The following PNN variants were observed in gnomAD, a reference collection of about 807,000 sequenced individuals.
The protein encoded by PNN is pinin.
A neutral mutation model predicts 76.6 loss-of-function variants in PNN; 38 were observed. That is an observed-to-expected ratio of 0.50 (90% CI 0.38 to 0.65). PNN has a LOEUF of 0.65. Among genes scored for constraint, PNN ranks in the 30% least tolerant of loss-of-function variants. The pLI, the probability that PNN is intolerant of heterozygous loss-of-function variation, is 0.00. For missense variants in PNN, 873 were observed against 874.1 expected (o/e 1.00, Z 0.02); for synonymous variants, 366 against 283.7 (o/e 1.29, Z -2.91).
chr14:39,177,923 A>T lies in PNN; in HGVS notation c.498+7A>T. On this transcript the variant is annotated splice_region_variant and intron_variant, in intron 6 of 8. Coordinates refer to ENST00000216832, the MANE Select transcript of PNN (RefSeq NM_002687.4). ...CACTGTTGCTACTGAAAGGGTATTT[A>T]TCCAAGTTTTGTTTTGCATCATATA... The T allele has an allele frequency of 6.4e-7, 1 of 1,572,152 alleles. No homozygotes were observed. Among genetic ancestry groups the T allele is most frequent in the Non-Finnish European group, 8.7e-7 (1 of 1,143,950 alleles).
In PNN at chr14:39,179,101, G is replaced by A. The variant is rs1354588068; in HGVS notation, c.509G>A (p.Arg170His). Reference sequence around the variant, plus strand: ...CTACTTAACTTTTAGCAAAAGCGGCGCCAGGAAATTGAACAAAAACTTGAA... The same window carrying A: ...CTACTTAACTTTTAGCAAAAGCGGCACCAGGAAATTGAACAAAAACTTGAA... The part of the protein sequence containing the change: ...STVATERQKR[R>H]QEIEQKLEVQ... The change falls in exon 7 of 9, where the codon CGC becomes CAC. Residue 170 changes from arginine (R) to histidine (H), a missense_variant. Coordinates refer to ENST00000216832, the MANE Select transcript of PNN (RefSeq NM_002687.4). 1.2e-6 allele frequency: 2 copies of A among 1,609,762 alleles called. No homozygotes were observed. Among genetic ancestry groups the A allele is most frequent in the Non-Finnish European group, 1.7e-6 (2 of 1,179,094 alleles).
chr14:39,179,480 T>G lies in PNN; in HGVS notation c.793+18T>G. On this transcript the variant is annotated intron_variant, in intron 8 of 8. Transcript: ENST00000216832. ...AATGAACGGTAAGTATGCGAAGAGG[T>G]CCATTGAATTGTTCATAGTGGGTAA... is the stretch of plus-strand genomic sequence containing the variant. 2 of 1,603,238 alleles carry G rather than the reference T, an allele frequency of 1.2e-6. No individual in the cohort carries two copies. Among genetic ancestry groups the G allele is most frequent in the Non-Finnish European group, 1.7e-6 (2 of 1,174,844 alleles).
intron 6 of PNN, among the ~76,000 whole-genome samples, chr14:39,178,733 A>AG (rs1219319773): frequency 1.3e-5 from 2 of 150,582 alleles, no homozygotes; most frequent in Non-Finnish European, 2.9e-5. Context: ...TGAAAAAAAA[A>AG]AAAAAAAAAA....
rs897980804 is a variant in PNN, at chr14:39,177,906, C to A, written c.488C>A (p.Ala163Asp). ...AAATTTAAACAAGAATCCACTGTTG[C>A]TACTGAAAGGGTATTTATCCAAGTT... Reference protein sequence around the residue: ...LQKFKQESTVATERQKRRQEI... With the variant: ...LQKFKQESTVDTERQKRRQEI... The change falls in exon 6 of 9, where the codon GCT becomes GAT. Residue 163 changes from alanine to aspartate, a missense_variant. Transcript: ENST00000216832. The A allele has an allele frequency of 1.3e-6, 2 of 1,597,424 alleles. No homozygotes were observed. The highest frequency in any genetic ancestry group is 8.6e-7 in the Non-Finnish European group (1 of 1,165,260).
In PNN at chr14:39,182,322, A is replaced by G. The variant is rs917374325; in HGVS notation, c.*459A>G. The G allele has an allele frequency of 6.5e-6, 1 of 154,328 alleles. No individual in the cohort carries two copies. The highest frequency in any genetic ancestry group is 6.4e-5 in the Admixed American group (1 of 15,580). 9.6% of individuals were successfully genotyped at this position (154,328 alleles called of 1,614,324 possible). A position where few individuals can be genotyped will look rare whatever the true frequency, so the allele number is the denominator to read the frequency against. The stretch of plus-strand genomic sequence containing the variant: ...TATCATTTTCAGCTTTTAACACTAG[A>G]TACTGCACGTGATTAGAATGTTTTT... On this transcript the variant is annotated 3_prime_UTR_variant, in exon 9 of 9. Transcript: ENST00000216832.
At chr14:39,175,914 G>A (rs1327108908) in intron 1 of PNN, 164 bp from the exon 2 acceptor site, 1 of 586,558 alleles carries the variant, frequency 1.7e-6, no homozygotes, top group Non-Finnish European at 3.0e-6. Flanking sequence ...GAAGTTAAAT[G>A]AAATAGTACT....
At position 39,181,746 on chromosome 14, in the gene PNN, G is replaced by A. The variant is rs1566559829; in HGVS notation, c.2037G>A (p.Lys679=). 6.2e-7 allele frequency: 1 copy of A among 1,614,124 alleles called. No homozygotes were observed. Among genetic ancestry groups the A allele is most frequent in the Non-Finnish European group, 8.5e-7 (1 of 1,180,008 alleles). The change falls in exon 9 of 9, where the codon AAG becomes AAA. Residue 679 remains lysine, a synonymous_variant. Coordinates refer to ENST00000216832, the MANE Select transcript of PNN (RefSeq NM_002687.4). ...GGSSRDTKGS[K]DKNSRSDRKR... ...GTAGTAGAGATACAAAAGGATCAAA[G>A]GATAAGAATTCCCGGTCCGACAGAA... is the stretch of plus-strand genomic sequence containing the variant.
Position 39,177,606 on chromosome 14 carries a change from C to A in PNN, c.341C>A (p.Ser114Tyr). 6.2e-7 allele frequency: 1 copy of A among 1,613,602 alleles called. No individual in the cohort carries two copies. The highest frequency in any genetic ancestry group is 1.1e-5 in the South Asian group (1 of 91,066). The change falls in exon 5 of 9, where the codon TCT (serine) becomes TAT (tyrosine). Residue 114 changes from serine to tyrosine, a missense_variant. Around this residue, in one of 3 missense-constraint regions of PNN, gnomAD observed 156 missense variants for 161.7 expected, o/e 0.96. Transcript: ENST00000216832. ...DDDVKKPALQ[S>Y]SVVATSKERT... Reference sequence around the variant, plus strand: ...CTTTTTCTGCAGCCAGCATTGCAGTCTTCAGTTGTAGCTACCTCCAAAGAG... The same window carrying A: ...CTTTTTCTGCAGCCAGCATTGCAGTATTCAGTTGTAGCTACCTCCAAAGAG...
rs2053273741 is a variant in PNN, at chr14:39,181,935, T to G, written c.*72T>G. The G allele has an allele frequency of 7.0e-7, 1 of 1,436,342 alleles. No individual in the cohort carries two copies. Among genetic ancestry groups the G allele is most frequent in the African/African-American group, 1.4e-5 (1 of 70,408 alleles). 89.0% of individuals were successfully genotyped at this position (1,436,342 alleles called of 1,614,324 possible). On this transcript the variant is annotated 3_prime_UTR_variant, in exon 9 of 9. Transcript: ENST00000216832. ...CTTGATAAAAAAGGATTACCTTTCC[T>G]TGTAAAGAGGATGCTGCCTTAAGAA... is the stretch of plus-strand genomic sequence containing the variant.
At chr14:39,180,471 A>C in intron 8 of PNN, 32 bp from the exon 9 acceptor site, 1 of 1,503,168 alleles carries the variant, frequency 6.7e-7, no homozygotes, top group East Asian at 2.3e-5. Flanking sequence ...CTTAATCGGT[A>C]AATTTTACAC....
At position 39,176,634 on chromosome 14, in the gene PNN, T is replaced by C. The variant is rs1242590570; in HGVS notation, c.254+39T>C. Reference sequence around the variant, plus strand: ...AAGATTCCTGAAGGCTTCTTTAGTTTCTGAGGTACCACACAAATATAAATG... The same window carrying C: ...AAGATTCCTGAAGGCTTCTTTAGTTCCTGAGGTACCACACAAATATAAATG... On this transcript the variant is annotated intron_variant, in intron 3 of 8. Transcript: ENST00000216832. 5 of 1,157,434 alleles carry C rather than the reference T, an allele frequency of 4.3e-6. No homozygotes were observed. In the Admixed American group the frequency reaches 8.3e-5, roughly 19 times the overall value. 71.7% of individuals were successfully genotyped at this position (1,157,434 alleles called of 1,614,324 possible).
At position 39,181,619 on chromosome 14, in the gene PNN, G is replaced by A. The variant is rs1336902379; in HGVS notation, c.1910G>A (p.Gly637Asp). The change falls in exon 9 of 9, where the codon GGC (glycine) becomes GAC (aspartate). Residue 637 changes from glycine (G) to aspartate (D), a missense_variant. Around this residue, in one of 3 missense-constraint regions of PNN, gnomAD observed 712 missense variants for 693.1 expected, o/e 1.03. Coordinates refer to ENST00000216832, the MANE Select transcript of PNN (RefSeq NM_002687.4). ...SSSESRSRSR[G>D]RGHNRDRKHR... ...AGTGAGAGTAGAAGTCGGAGTAGGG[G>A]CCGGGGACATAATAGAGATAGAAAG... is the stretch of plus-strand genomic sequence containing the variant. 6.2e-7 allele frequency: 1 copy of A among 1,613,998 alleles called. No individual in the cohort carries two copies. The highest frequency in any genetic ancestry group is 1.3e-5 in the African/African-American group (1 of 74,894).
chr14:39,181,671 A>T lies in PNN; in HGVS notation c.1962A>T (p.Arg654Ser). 2 of 1,614,034 alleles carry T rather than the reference A, an allele frequency of 1.2e-6. No individual in the cohort carries two copies. ...ACAGAAGGAGCGTGGATCGGAAGAG[A>T]AGGGATACTTCAGGACTAGAAAGAA... ...RKHRRSVDRK[R>S]RDTSGLERSH... The change falls in exon 9 of 9, where the codon AGA (arginine) becomes AGT (serine). Residue 654 changes from arginine to serine, a missense_variant. Transcript: ENST00000216832.
At position 39,179,077 on chromosome 14, in the gene PNN, TACTTA is replaced by T. The variant is rs763543954; in HGVS notation, c.499-9_499-5del. On this transcript the variant is annotated splice_polypyrimidine_tract_variant and intron_variant, in intron 6 of 8. Transcript: ENST00000216832. ...TCAACACGTAAGTATTAAAGCAGGCTACTTAACTTTTAGCAAAAGCGGCGCCAGGA... is the reference window on the plus strand; with the variant it reads ...TCAACACGTAAGTATTAAAGCAGGCTACTTTTAGCAAAAGCGGCGCCAGGA... 7 of 1,607,102 alleles carry T rather than the reference TACTTA, an allele frequency of 4.4e-6. No homozygotes were observed. Among genetic ancestry groups the T allele is most frequent in the South Asian group, 1.1e-5 (1 of 89,704 alleles).
chr14:39,177,712 C>T (rs1405888497), intron 5 of PNN, 25 bp downstream of exon 5: 2 of 1,555,154 alleles, frequency 1.3e-6, no homozygotes, highest in South Asian at 1.1e-5. Flanking sequence ...GAAAAAAACT[C>T]TAGTGAAATA....
In PNN at chr14:39,181,889, A is replaced by G. The variant is rs766231283; in HGVS notation, c.*26A>G. ...TGGAAGAAGCCAGGCTTTCTTAGCC[A>G]TTCTTTGCAGCAGAAGATTTCTTGA... On this transcript the variant is annotated 3_prime_UTR_variant, in exon 9 of 9. Transcript: ENST00000216832. 2.3e-5 allele frequency: 36 copies of G among 1,535,270 alleles called. No homozygotes were observed. Among genetic ancestry groups the G allele is most frequent in the Non-Finnish European group, 3.0e-5 (35 of 1,150,122 alleles).
chr14:39,179,080 T>C lies in PNN; in HGVS notation c.499-11T>C, dbSNP rs1296311173. 4 of 1,608,152 alleles carry C rather than the reference T, an allele frequency of 2.5e-6. No individual in the cohort carries two copies. Among genetic ancestry groups the C allele is most frequent in the Non-Finnish European group, 3.4e-6 (4 of 1,178,506 alleles). ...ACACGTAAGTATTAAAGCAGGCTAC[T>C]TAACTTTTAGCAAAAGCGGCGCCAG... is the stretch of plus-strand genomic sequence containing the variant. On this transcript the variant is annotated splice_polypyrimidine_tract_variant and intron_variant, in intron 6 of 8. Coordinates refer to ENST00000216832, the MANE Select transcript of PNN (RefSeq NM_002687.4).
intron 6 of PNN, among the ~76,000 whole-genome samples, chr14:39,178,387 C>G (rs115451838): frequency 6.6e-6 from 1 of 151,978 alleles, no homozygotes; most frequent in African/African-American, 2.4e-5. Flanking sequence ...CAAAATTAGC[C>G]GCCTGTGGTG....
intron 6 of PNN, among the ~76,000 whole-genome samples, chr14:39,178,724 GAAAAAAA>G (rs61670617): frequency 7.0e-5 from 8 of 114,184 alleles, no homozygotes; most frequent in Admixed American, 1.9e-4. Flanking sequence ...TTTACATAGT[GAAAAAAA>G]AAAAAAAAAA....
Sources: gnomAD v4.1 joint callset for allele counts (sites outside exome capture counted in the v4.1 genomes callset) on GRCh38, gnomAD v4.1.1 for gene constraint, gnomAD v4.1.1 regional missense constraint, MANE v1.5 for transcripts, NCBI Gene and HGNC (gene_info 2026-07-23, HGNC 2026-07-21) for gene names.